Variants in ST3GAL5 observed in about 807,000 individuals in gnomAD.
The protein encoded by ST3GAL5 is lactosylceramide alpha-2,3-sialyltransferase.
ST3GAL5 carries 25 observed loss-of-function variants against 46.1 expected under a neutral mutation model. The ratio of observed to expected loss-of-function variants is 0.54; its 90% CI spans 0.40 to 0.76. The LOEUF (loss-of-function observed/expected upper bound fraction) is 0.76. Among genes scored for constraint, ST3GAL5 ranks in the 30% least tolerant of loss-of-function variants. The pLI is 0.00. For missense variants in ST3GAL5, 431 were observed against 521.2 expected (o/e 0.83, Z 1.69); for synonymous variants, 182 against 192.7 (o/e 0.94, Z 0.46).
chr2:85,877,654 T>C (rs1686731519), intron 1 of ST3GAL5, among the ~76,000 whole-genome samples: 1 of 152,212 alleles, frequency 6.6e-6, no homozygotes. Flanking sequence ...TGATGGGAGA[T>C]ACTTACAGAC....
intron 1 of ST3GAL5, among the ~76,000 whole-genome samples, chr2:85,866,740 A>G (rs150014713): frequency 2.6e-5 from 4 of 152,320 alleles, no homozygotes; most frequent in Non-Finnish European, 5.9e-5. Context: ...CAATGAACTG[A>G]ATTTTCTTTT....
At chr2:85,878,478 T>C (rs2104210415) in intron 1 of ST3GAL5, among the ~76,000 whole-genome samples, 1 of 152,296 alleles carries the variant, frequency 6.6e-6, no homozygotes, top group East Asian at 1.9e-4. Context: ...CTCCCAGGAA[T>C]GATCTATAAC....
rs1446857876 is a variant in ST3GAL5 at position 85,837,616 on chromosome 2, C to T, written c.*2528G>A. The T allele has an allele frequency of 6.6e-6, 1 of 152,142 alleles. No individual in the cohort carries two copies. Among genetic ancestry groups the T allele is most frequent in the Non-Finnish European group, 1.5e-5 (1 of 68,026 alleles). 9.4% of individuals were successfully genotyped at this position (152,142 alleles called of 1,614,324 possible). The stretch of plus-strand genomic sequence containing the variant: ...CCATAAAGACAAATATTTAATGTGA[C>T]AGATATCCCAGTTACACAGATTTGC... On this transcript the variant is annotated 3_prime_UTR_variant, in exon 7 of 7. Coordinates refer to ENST00000638572, the MANE Select transcript of ST3GAL5 (RefSeq NM_003896.4).
At chr2:85,864,671 G>C (rs1196605593) in intron 1 of ST3GAL5, among the ~76,000 whole-genome samples, 2 of 151,534 alleles carry the variant, frequency 1.3e-5, no homozygotes, top group African/African-American at 4.8e-5. Context: ...TTATTCTTTT[G>C]AAATAATTTT....
intron 1 of ST3GAL5, among the ~76,000 whole-genome samples, chr2:85,881,934 C>A (rs1687202693): frequency 6.6e-6 from 1 of 152,252 alleles, no homozygotes; most frequent in Admixed American, 6.5e-5. Context: ...TCCCTCCCAT[C>A]ACAGGCCTGG....
At chr2:85,863,581 A>T (rs755700542) in intron 1 of ST3GAL5, 96 bp from the exon 2 acceptor site, 2 of 1,320,642 alleles carry the variant, frequency 1.5e-6, no homozygotes, top group African/African-American at 1.4e-5. Context: ...TGTTGCATCC[A>T]TACCATGGAA....
rs760786924 is a variant in ST3GAL5 at position 85,847,985 on chromosome 2, C to T, written c.538G>A (p.Glu180Lys). The T allele has an allele frequency of 1.2e-6, 2 of 1,614,150 alleles. No homozygotes were observed. The highest frequency in any genetic ancestry group is 1.7e-6 in the Non-Finnish European group (2 of 1,180,032). ...KVQTLLELLPEHDLPEHLKAK... is the reference protein window; with the variant it reads ...KVQTLLELLPKHDLPEHLKAK... The stretch of plus-strand genomic sequence containing the variant: ...TTCAAGTGTTCAGGGAGGTCGTGCT[C>T]TGGCAAGAGTTCCAAGAGGGTCTGG... Residue 180 changes from glutamate to lysine, a missense_variant, in exon 4 of 7, where the codon GAG (glutamate) becomes AAG (lysine). Physicochemically the swap from Glu to Lys is moderately conservative, Grantham distance 56. Coordinates refer to ENST00000638572, the MANE Select transcript of ST3GAL5 (RefSeq NM_003896.4).
intron 3 of ST3GAL5, among the ~76,000 whole-genome samples, chr2:85,859,143 T>C (rs1393463204): frequency 6.6e-6 from 1 of 152,174 alleles, no homozygotes; most frequent in Non-Finnish European, 1.5e-5. Flanking sequence ...GCTTGTGGAA[T>C]AGTATTCTTG....
chr2:85,847,627 T>A, intron 4 of ST3GAL5: 1 of 1,276,602 alleles, frequency 7.8e-7, no homozygotes, highest in Non-Finnish European at 1.0e-6. Context: ...AGAAACCCCA[T>A]CTCTACTAAA....
At chr2:85,864,512 T>G (rs1002353412) in intron 1 of ST3GAL5, among the ~76,000 whole-genome samples, 7 of 151,630 alleles carry the variant, frequency 4.6e-5, no homozygotes, top group African/African-American at 1.5e-4. Flanking sequence ...TCCCCACTTC[T>G]GTGTATGGTT....
At chr2:85,864,643 T>C (rs538446262) in intron 1 of ST3GAL5, among the ~76,000 whole-genome samples, 27 of 151,972 alleles carry the variant, frequency 1.8e-4, no homozygotes, top group Admixed American at 3.9e-4. Flanking sequence ...TTAAAAAATA[T>C]GTTGTGTGCC....
At chr2:85,880,787 G>A in intron 1 of ST3GAL5, 1 of 473,348 alleles carries the variant, frequency 2.1e-6, no homozygotes, top group Non-Finnish European at 4.1e-6. Flanking sequence ...TGGTGCCACT[G>A]CACTCCAGCC....
At chr2:85,851,673 T>G in intron 3 of ST3GAL5, 1 of 1,289,398 alleles carries the variant, frequency 7.8e-7, no homozygotes, top group East Asian at 5.6e-5. Flanking sequence ...CAGAAGAAAG[T>G]GCCTCAAGGC....
chr2:85,855,172 T>C (rs1683960791), intron 3 of ST3GAL5: 1 of 152,258 alleles, frequency 6.6e-6, no homozygotes, highest in Middle Eastern at 3.4e-3. Flanking sequence ...CAGTGGTAGA[T>C]GACTGAATCA....
intron 1 of ST3GAL5, among the ~76,000 whole-genome samples, chr2:85,876,861 A>G (rs1686638042): frequency 1.3e-5 from 2 of 152,204 alleles, no homozygotes; most frequent in South Asian, 4.1e-4. Flanking sequence ...AAGGGCAGAC[A>G]CTGAAAAGCC....
intron 1 of ST3GAL5, among the ~76,000 whole-genome samples, chr2:85,881,862 A>G (rs1280549375): frequency 6.6e-6 from 1 of 152,224 alleles, no homozygotes; most frequent in Non-Finnish European, 1.5e-5. Flanking sequence ...AAGGAGACTA[A>G]TGTTAATCCC....
Position 85,888,188 on chromosome 2 carries a change from G to T in ST3GAL5, c.82+636C>A, listed in dbSNP as rs114952406. The stretch of plus-strand genomic sequence containing the variant: ...CAAGCGGGTGTGAGGCAAGGGCAGG[G>T]CTCCTCGGGGATGCTCTCGGAAAAC... On this transcript the variant is annotated intron_variant, in intron 1 of 6. Coordinates refer to ENST00000638572, the MANE Select transcript of ST3GAL5 (RefSeq NM_003896.4). 786 of 152,450 alleles carry T rather than the reference G, an allele frequency of 5.2e-3. 7 individuals are homozygous for T. Among genetic ancestry groups the T allele is most frequent in the African/African-American group, 0.017 (720 of 41,572 alleles). The allele number at this position is 152,450 out of a possible 1,614,324, so 9.4% of individuals were successfully genotyped here.
In ST3GAL5 at chr2:85,839,040, C is replaced by T. The variant is rs1681705279; in HGVS notation, c.*1104G>A. The stretch of plus-strand genomic sequence containing the variant: ...GGACCAGGTGCCTTAATTCTCTGTC[C>T]CTCACTACTGGCATCCACAGAGAGG... On this transcript the variant is annotated 3_prime_UTR_variant, in exon 7 of 7. Coordinates refer to ENST00000638572, the MANE Select transcript of ST3GAL5 (RefSeq NM_003896.4). 1 of 152,206 alleles carries T rather than the reference C, an allele frequency of 6.6e-6. No individual in the cohort carries two copies. The highest frequency in any genetic ancestry group is 1.5e-5 in the Non-Finnish European group (1 of 68,092). 9.4% of individuals were successfully genotyped at this position (152,206 alleles called of 1,614,324 possible). A position where few individuals can be genotyped will look rare whatever the true frequency, so the allele number is the denominator to read the frequency against.
intron 1 of ST3GAL5, among the ~76,000 whole-genome samples, chr2:85,882,822 G>A (rs1573725394): frequency 1.1e-5 from 1 of 90,204 alleles, no homozygotes; most frequent in South Asian, 4.0e-4. Flanking sequence ...GCAACGGAGA[G>A]AGACTCTGTC....
Sources: gnomAD v4.1 joint callset for allele counts (sites outside exome capture counted in the v4.1 genomes callset) on GRCh38, gnomAD v4.1.1 for gene constraint, MANE v1.5 for transcripts, NCBI Gene and HGNC (gene_info 2026-07-23, HGNC 2026-07-21) for gene names.